Variants in RGS6 observed in about 807,000 individuals in gnomAD.
RGS6 encodes regulator of G protein signaling 6.
In RGS6, 30 loss-of-function variants were observed where a neutral mutation model predicts 78.5. The ratio of observed to expected loss-of-function variants is 0.38; its 90% confidence interval spans 0.29 to 0.52. RGS6 has a LOEUF of 0.52. Ranked by LOEUF, RGS6 falls within the 20% of genes least tolerant of loss-of-function variation. The pLI is 0.85. For missense variants in RGS6, 495 were observed against 609.7 expected (o/e 0.81, Z 1.98); for synonymous variants, 206 against 206.0 (o/e 1.00, Z 0.00).
the RGS6 span, among the ~76,000 whole-genome samples, chr14:71,923,551 T>A: frequency 6.6e-6 from 1 of 152,164 alleles, no homozygotes; most frequent in Non-Finnish European, 1.5e-5. Flanking sequence ...CAAGACCTCA[T>A]ATCTATTTTT....
At chr14:72,283,942 G>A (rs2062023713) in intron 2 of RGS6, among the ~76,000 whole-genome samples, 1 of 152,192 alleles carries the variant, frequency 6.6e-6, no homozygotes, top group South Asian at 2.1e-4. Context: ...CTCAGATGGA[G>A]ATGAGGAACT....
chr14:71,968,561 A>T (rs1375969746), intron 2 of RGS6, among the ~76,000 whole-genome samples: 1 of 152,182 alleles, frequency 6.6e-6, no homozygotes, highest in East Asian at 1.9e-4. Flanking sequence ...AACTAAAAGT[A>T]TAGAGAGGGT....
At chr14:72,402,393 C>G (rs2092506411) in intron 3 of RGS6, among the ~76,000 whole-genome samples, 1 of 152,100 alleles carries the variant, frequency 6.6e-6, no homozygotes, top group Non-Finnish European at 1.5e-5. Flanking sequence ...AGACAATGGT[C>G]TAACTGGAAA....
At chr14:72,319,243 A>G (rs1053772820) in intron 2 of RGS6, among the ~76,000 whole-genome samples, 7 of 152,208 alleles carry the variant, frequency 4.6e-5, no homozygotes, top group East Asian at 1.9e-4. Flanking sequence ...ACTTAAAGAA[A>G]CCACCAAAGA....
intron 3 of RGS6, among the ~76,000 whole-genome samples, chr14:72,438,616 A>C (rs986621150): frequency 2.0e-5 from 3 of 152,182 alleles, no homozygotes; most frequent in Admixed American, 2.0e-4. Context: ...CATCCATCAG[A>C]GAGGACCAGG....
chr14:72,033,311 G>A (rs1369404247), intron 2 of RGS6, among the ~76,000 whole-genome samples: 1 of 152,158 alleles, frequency 6.6e-6, no homozygotes, highest in South Asian at 2.1e-4. Flanking sequence ...ACAGCTTGCT[G>A]CAGCCTCAAT....
At chr14:72,593,818 C>T in the RGS6 span, among the ~76,000 whole-genome samples, 1 of 152,200 alleles carries the variant, frequency 6.6e-6, no homozygotes, top group African/African-American at 2.4e-5. Context: ...TGGGCCACCC[C>T]ACCTCTTCTT....
intron 2 of RGS6, among the ~76,000 whole-genome samples, chr14:72,209,777 G>T (rs960664503): frequency 6.6e-6 from 1 of 152,262 alleles, no homozygotes; most frequent in African/African-American, 2.4e-5. Context: ...CATGATCCTT[G>T]TCCTCCATCT....
At chr14:72,316,269 G>A (rs2070176023) in intron 2 of RGS6, among the ~76,000 whole-genome samples, 2 of 151,784 alleles carry the variant, frequency 1.3e-5, no homozygotes, top group South Asian at 4.2e-4. Context: ...TAAGTTCTAG[G>A]GTACATGTGC....
intron 2 of RGS6, among the ~76,000 whole-genome samples, chr14:72,148,240 GA>G (rs1370434771): frequency 2.0e-5 from 3 of 150,510 alleles, no homozygotes; most frequent in Admixed American, 6.6e-5. Context: ...CAAAAAAATA[GA>G]AAAAAATTAT....
At chr14:72,498,213 T>C (rs2096670360) in intron 13 of RGS6, among the ~76,000 whole-genome samples, 1 of 152,230 alleles carries the variant, frequency 6.6e-6, no homozygotes, top group Non-Finnish European at 1.5e-5. Context: ...TTACTCCCCC[T>C]GGAGATGTGA....
the RGS6 span, among the ~76,000 whole-genome samples, chr14:71,872,506 G>T: frequency 6.6e-6 from 1 of 152,064 alleles, no homozygotes; most frequent in Non-Finnish European, 1.5e-5. Flanking sequence ...TCCCTTTCAT[G>T]TGGAAACTCC....
In RGS6 at chr14:72,265,941, G is replaced by T. The variant is rs4992230; in HGVS notation, c.85-86154G>T. On this transcript the variant is annotated intron_variant, in intron 2 of 17. Coordinates refer to ENST00000553525, the MANE Select transcript of RGS6 (RefSeq NM_001204424.2). The stretch of plus-strand genomic sequence containing the variant: ...ACTATCAGTCCTATCGCTTTTTTGG[G>T]GGGGGGGGCGGGAGGCAGGTGGGAG... Among the ~76,000 whole-genome samples the T allele has an allele frequency of 2.6e-3, 375 of 145,362 alleles. 8 individuals carry two copies. The highest frequency in any genetic ancestry group is 8.0e-3 in the African/African-American group (317 of 39,506).
the RGS6 span, among the ~76,000 whole-genome samples, chr14:72,583,541 T>C: frequency 6.9e-6 from 1 of 145,444 alleles, no homozygotes; most frequent in Non-Finnish European, 1.5e-5. Flanking sequence ...CGTAGATCAA[T>C]GGGAGTGATG....
the RGS6 span, among the ~76,000 whole-genome samples, chr14:72,585,466 T>A: frequency 6.6e-6 from 1 of 152,178 alleles, no homozygotes; most frequent in African/African-American, 2.4e-5. Flanking sequence ...AAGAGGAAGT[T>A]GAGCTGCAAC....
chr14:72,449,715 G>A (rs1252905237), intron 3 of RGS6, among the ~76,000 whole-genome samples: 1 of 152,198 alleles, frequency 6.6e-6, no homozygotes, highest in South Asian at 2.1e-4. Context: ...GACTCTGGGT[G>A]GACAGCCCTG....
chr14:72,622,141 T>C, the RGS6 span, among the ~76,000 whole-genome samples: 1 of 152,188 alleles, frequency 6.6e-6, no homozygotes, highest in Admixed American at 6.5e-5. Context: ...CACAATTTTG[T>C]ACATAGGTAG....
chr14:71,888,453 A>G, the RGS6 span, among the ~76,000 whole-genome samples: 1 of 151,278 alleles, frequency 6.6e-6, no homozygotes, highest in African/African-American at 2.4e-5. Flanking sequence ...GAAGAAAAAG[A>G]GAAGGGGGAA....
At chr14:72,465,874 C>A in intron 7 of RGS6, 52 bp downstream of exon 7, 2 of 1,404,754 alleles carry the variant, frequency 1.4e-6, no homozygotes, top group Non-Finnish European at 2.0e-6. Context: ...AAAATCATAT[C>A]TGCAGCTCCG....
Sources: gnomAD v4.1 joint callset for allele counts (sites outside exome capture counted in the v4.1 genomes callset) on GRCh38, gnomAD v4.1.1 for gene constraint, MANE v1.5 for transcripts, NCBI Gene and HGNC (gene_info 2026-07-23, HGNC 2026-07-21) for gene names.